KCNN2: variants seen among roughly 807,000 people sequenced by gnomAD.
The protein encoded by KCNN2 is potassium calcium-activated channel subfamily N member 2, also known as small conductance calcium-activated potassium channel protein 2.
KCNN2 carries 24 observed loss-of-function variants against 55.5 expected under a neutral mutation model. The observed-to-expected ratio is 0.43, with a 90% CI of 0.31 to 0.61. The LOEUF is 0.61. KCNN2 is among the 20% of genes least tolerant of loss of function. The pLI is 0.08. For missense variants in KCNN2, 754 were observed against 853.6 expected (o/e 0.88, Z 1.45); for synonymous variants, 431 against 336.1 (o/e 1.28, Z -3.09).
chr5:114,384,002 A>T (rs1191498489), intron 2 of KCNN2, among the ~76,000 whole-genome samples: 3 of 152,200 alleles, frequency 2.0e-5, no homozygotes, highest in African/African-American at 7.2e-5. Context: ...TTTCATCTAC[A>T]TTGTAGTTCT....
At chr5:114,464,303 C>T (rs568584729) in intron 4 of KCNN2, among the ~76,000 whole-genome samples, 1 of 152,186 alleles carries the variant, frequency 6.6e-6, no homozygotes, top group African/African-American at 2.4e-5. Context: ...CATTCTTTAT[C>T]TACTTTTTAA....
upstream of KCNN2, chr5:114,362,029 G>A (rs945070777): frequency 1.3e-5 from 2 of 153,342 alleles, no homozygotes; most frequent in Non-Finnish European, 2.9e-5. Context: ...TTCTACCGGA[G>A]CCGGCATGGG....
intron 6 of KCNN2, 44 bp from the exon 7 acceptor site, chr5:114,493,359 A>G (rs772542672): frequency 8.2e-6 from 10 of 1,212,588 alleles, no homozygotes; most frequent in African/African-American, 1.5e-5. Flanking sequence ...TAAGATTGCC[A>G]TAGGAAGAAG....
At chr5:114,238,025 A>G (rs932531737) in intron 2 of KCNN2, among the ~76,000 whole-genome samples, 1 of 152,180 alleles carries the variant, frequency 6.6e-6, no homozygotes, top group African/African-American at 2.4e-5. Context: ...CGTGGCTTCA[A>G]TTTCACCGCA....
chr5:114,267,141 G>C (rs538131626), intron 2 of KCNN2, among the ~76,000 whole-genome samples: 1 of 152,104 alleles, frequency 6.6e-6, no homozygotes, highest in East Asian at 1.9e-4. Flanking sequence ...GACTAAAGGC[G>C]TATGCCACAA....
chr5:114,197,476 T>C (rs1241719912), intron 1 of KCNN2, among the ~76,000 whole-genome samples: 1 of 152,222 alleles, frequency 6.6e-6, no homozygotes, highest in African/African-American at 2.4e-5. Flanking sequence ...TTCTTCAGTT[T>C]TGCTTCTTCT....
intron 5 of KCNN2, among the ~76,000 whole-genome samples, chr5:114,475,740 C>G (rs1019431831): frequency 6.6e-6 from 1 of 151,962 alleles, no homozygotes; most frequent in African/African-American, 2.4e-5. Flanking sequence ...CCCTAAAGTC[C>G]GGTCAGAGGC....
At chr5:114,134,458 G>GATTTATTTATTTATTTATTTATTT (rs368773249) in intron 1 of KCNN2, among the ~76,000 whole-genome samples, 1 of 137,364 alleles carries the variant, frequency 7.3e-6, no homozygotes, top group African/African-American at 2.8e-5. Flanking sequence ...ATCCAACCAT[G>GATTTATTTATTTATTTATTTATTT]ATTTATTTAT....
chr5:114,101,634 C>A (rs1751375064), intron 1 of KCNN2, among the ~76,000 whole-genome samples: 1 of 151,274 alleles, frequency 6.6e-6, no homozygotes, highest in Non-Finnish European at 1.5e-5. Flanking sequence ...GCTCCTTGTG[C>A]CCAAATGGTC....
intron 2 of KCNN2, among the ~76,000 whole-genome samples, chr5:114,349,304 T>C (rs13189863): frequency 0.31 from 46,932 of 151,924 alleles, 7,518 homozygotes; most frequent in Non-Finnish European, 0.35. Flanking sequence ...TCTGAAAATA[T>C]AAACTTTGGA....
chr5:114,222,337 G>A (rs4072690), intron 2 of KCNN2, among the ~76,000 whole-genome samples: 124,163 of 152,174 alleles, frequency 0.82, 50,801 homozygotes, highest in East Asian at 0.9. Flanking sequence ...CAGCCTCAAA[G>A]ATATTTTTTT....
chr5:114,310,187 T>C (rs1756367410), intron 2 of KCNN2, among the ~76,000 whole-genome samples: 1 of 152,102 alleles, frequency 6.6e-6, no homozygotes, highest in African/African-American at 2.4e-5. Context: ...CTTGCCAAAG[T>C]GCCCTTCTGT....
At chr5:114,097,778 C>T (rs1751289663) in intron 1 of KCNN2, among the ~76,000 whole-genome samples, 1 of 152,138 alleles carries the variant, frequency 6.6e-6, no homozygotes, top group African/African-American at 2.4e-5. Flanking sequence ...CTAGATTTAT[C>T]AAGTGAGCTG....
chr5:114,367,971 A>G (rs973435556), intron 2 of KCNN2, among the ~76,000 whole-genome samples: 2 of 151,186 alleles, frequency 1.3e-5, no homozygotes, highest in African/African-American at 2.5e-5. Context: ...ATTGGAAAAC[A>G]TTTTCGTTTG....
At chr5:114,269,528 TATC>T (rs1388527201) in intron 2 of KCNN2, among the ~76,000 whole-genome samples, 1 of 150,722 alleles carries the variant, frequency 6.6e-6, no homozygotes, top group Non-Finnish European at 1.5e-5. Context: ...GTTGGGGGAA[TATC>T]ATAGACCGAC....
intron 1 of KCNN2, among the ~76,000 whole-genome samples, chr5:114,181,168 A>T (rs538906846): frequency 6.6e-6 from 1 of 152,264 alleles, no homozygotes; most frequent in South Asian, 2.1e-4. Context: ...GTCATAGGGT[A>T]GATGTAGGTT....
At chr5:114,146,013 A>G (rs1206802256) in intron 1 of KCNN2, among the ~76,000 whole-genome samples, 1 of 152,034 alleles carries the variant, frequency 6.6e-6, no homozygotes, top group Non-Finnish European at 1.5e-5. Context: ...TCAGGACACA[A>G]TTTCAGGTGT....
chr5:114,362,730 C>T lies in KCNN2; in HGVS notation c.591C>T (p.His197=). 1.1e-5 allele frequency: 17 copies of T among 1,527,356 alleles called. No individual in the cohort carries two copies. The highest frequency in any genetic ancestry group is 1.5e-5 in the Non-Finnish European group (17 of 1,144,914). 94.6% of individuals were successfully genotyped at this position (1,527,356 alleles called of 1,614,324 possible). A position where few individuals can be genotyped will look rare whatever the true frequency, so the allele number is the denominator to read the frequency against. Residue 197 remains histidine, a synonymous_variant, in exon 1 of 8, where the codon CAC becomes CAT. Transcript: ENST00000673685. ...CGCACCCGGCGCACCACCAGCACCACCAGCCCCAGGCGCGCCGCGAGAGCA... is the reference window on the plus strand; with the variant it reads ...CGCACCCGGCGCACCACCAGCACCATCAGCCCCAGGCGCGCCGCGAGAGCA... The part of the protein sequence containing the change: ...HHPHPAHHQH[H]QPQARRESNP...
intron 3 of KCNN2, among the ~76,000 whole-genome samples, chr5:114,412,301 A>G (rs987654147): frequency 6.6e-6 from 1 of 152,264 alleles, no homozygotes; most frequent in Non-Finnish European, 1.5e-5. Flanking sequence ...GTTTACATCT[A>G]GTAAATTAAT....
Sources: gnomAD v4.1 joint callset for allele counts (sites outside exome capture counted in the v4.1 genomes callset) on GRCh38, gnomAD v4.1.1 for gene constraint, MANE v1.5 for transcripts, NCBI Gene and HGNC (gene_info 2026-07-23, HGNC 2026-07-21) for gene names.